The following ITPR2 variants were observed in gnomAD, a reference collection of about 807,000 sequenced individuals.
ITPR2 encodes inositol 1,4,5-trisphosphate receptor type 2.
Under a neutral mutation model 317.1 loss-of-function variants are expected in ITPR2, and 207 were observed. The observed-to-expected ratio is 0.65, with a 90% CI of 0.58 to 0.73. The LOEUF is 0.73. Among genes scored for constraint, ITPR2 ranks in the 30% least tolerant of loss-of-function variants. ITPR2 has a pLI of 0.00. For missense variants in ITPR2, 2,613 were observed against 3,284.0 expected (o/e 0.80, Z 4.99); for synonymous variants, 1,156 against 1,149.1 (o/e 1.01, Z -0.12).
At chr12:26,539,544 G>T (rs988575599) in intron 37 of ITPR2, among the ~76,000 whole-genome samples, 7 of 152,150 alleles carry the variant, frequency 4.6e-5, no homozygotes, top group African/African-American at 1.7e-4. Flanking sequence ...TGGGACAGAA[G>T]CCCCATGGCT....
At chr12:26,574,573 A>T (rs1433210275) in intron 34 of ITPR2, among the ~76,000 whole-genome samples, 1 of 152,184 alleles carries the variant, frequency 6.6e-6, no homozygotes, top group Non-Finnish European at 1.5e-5. Context: ...ACTTGTGATG[A>T]TGTAAGTTAG....
chr12:26,678,512 T>C (rs1004961232), intron 13 of ITPR2, among the ~76,000 whole-genome samples: 1 of 152,138 alleles, frequency 6.6e-6, no homozygotes, highest in Non-Finnish European at 1.5e-5. Flanking sequence ...GTCAGAGTTG[T>C]CAGTTATTTT....
intron 1 of ITPR2, among the ~76,000 whole-genome samples, chr12:26,811,788 A>AGCTTGCAGT (rs1382251046): frequency 6.9e-6 from 1 of 144,132 alleles, no homozygotes; most frequent in Non-Finnish European, 1.5e-5. Context: ...CCGGAGGCGG[A>AGCTTGCAGT]GCTTGCAGTG....
intron 54 of ITPR2, among the ~76,000 whole-genome samples, chr12:26,393,682 T>A (rs1432762769): frequency 6.6e-6 from 1 of 152,246 alleles, no homozygotes; most frequent in Non-Finnish European, 1.5e-5. Flanking sequence ...TACTTAAGTG[T>A]TTCCTCAGAT....
chr12:26,393,805 C>T (rs1939916604), intron 54 of ITPR2, among the ~76,000 whole-genome samples: 1 of 152,224 alleles, frequency 6.6e-6, no homozygotes, highest in South Asian at 2.1e-4. Flanking sequence ...AGAAACAATA[C>T]CCTGCATGTA....
At chr12:26,367,149 C>T (rs924724929) in intron 55 of ITPR2, among the ~76,000 whole-genome samples, 1 of 152,032 alleles carries the variant, frequency 6.6e-6, no homozygotes, top group African/African-American at 2.4e-5. Flanking sequence ...TCTGAAGGGC[C>T]TTTGAGAAAA....
chr12:26,711,441 G>T (rs1948640590), intron 8 of ITPR2, among the ~76,000 whole-genome samples, 173 bp from the exon 9 acceptor site: 2 of 152,188 alleles, frequency 1.3e-5, no homozygotes, highest in African/African-American at 4.8e-5. Context: ...ATGAGCAAGA[G>T]AAATGTTATA....
Position 26,751,328 on chromosome 12 carries a change from G to A in ITPR2, c.164-25563C>T, listed in dbSNP as rs867631158. Among the ~76,000 whole-genome samples the A allele has an allele frequency of 6.6e-5, 10 of 151,946 alleles. No individual in the cohort carries two copies. The Middle Eastern group carries it at 0.014, about 207-fold the overall frequency. ...ATAACAAACCTACACATGTACCCAC[G>A]AACCTAAAATAAATGTTAAAAAAAA... is the stretch of plus-strand genomic sequence containing the variant. On this transcript the variant is annotated intron_variant, in intron 2 of 56. Transcript: ENST00000381340.
At chr12:26,541,218 G>A (rs1365783103) in intron 37 of ITPR2, among the ~76,000 whole-genome samples, 1 of 151,810 alleles carries the variant, frequency 6.6e-6, no homozygotes, top group Non-Finnish European at 1.5e-5. Flanking sequence ...TCGGGAGGCT[G>A]AGACAGGAGA....
intron 45 of ITPR2, among the ~76,000 whole-genome samples, chr12:26,462,547 A>G (rs1465846910): frequency 1.3e-5 from 2 of 152,050 alleles, no homozygotes; most frequent in Non-Finnish European, 2.9e-5. Context: ...CTTTGATATT[A>G]TAGTACTGGA....
chr12:26,602,567 A>T (rs1292665820), intron 27 of ITPR2, 50 bp downstream of exon 27: 3 of 1,569,810 alleles, frequency 1.9e-6, no homozygotes, highest in African/African-American at 1.4e-5. Context: ...AGCAAAACTT[A>T]TTTGGCATGC....
chr12:26,359,602 G>GA (rs34699968), intron 55 of ITPR2, among the ~76,000 whole-genome samples: 14 of 151,392 alleles, frequency 9.2e-5, no homozygotes, highest in African/African-American at 2.2e-4. Flanking sequence ...CTCTTGTGGG[G>GA]AAAAAAAAAG....
intron 43 of ITPR2, among the ~76,000 whole-genome samples, chr12:26,479,809 T>C (rs1479619537): frequency 1.3e-5 from 2 of 152,164 alleles, no homozygotes; most frequent in Admixed American, 6.5e-5. Context: ...TGTGGTGGCA[T>C]GCACCTGTAA....
chr12:26,565,177 A>G (rs2137036479), intron 34 of ITPR2, among the ~76,000 whole-genome samples: 2 of 152,352 alleles, frequency 1.3e-5, no homozygotes, highest in East Asian at 3.9e-4. Context: ...CTCTAAAAAA[A>G]GAGCAAATAA....
At chr12:26,652,079 A>T (rs1947268724) in intron 21 of ITPR2, among the ~76,000 whole-genome samples, 1 of 152,176 alleles carries the variant, frequency 6.6e-6, no homozygotes, top group Non-Finnish European at 1.5e-5. Flanking sequence ...ACACCTAGAT[A>T]AACTTTCTCT....
At chr12:26,511,471 T>C (rs1050373843) in intron 37 of ITPR2, among the ~76,000 whole-genome samples, 5 of 152,220 alleles carry the variant, frequency 3.3e-5, no homozygotes, top group African/African-American at 1.2e-4. Context: ...GCCAAGAAGG[T>C]AGAGTGATTG....
At chr12:26,581,585 T>C (rs1368727249) in intron 32 of ITPR2, among the ~76,000 whole-genome samples, 2 of 152,172 alleles carry the variant, frequency 1.3e-5, no homozygotes, top group East Asian at 3.8e-4. Flanking sequence ...ATTTAGTAAA[T>C]TTTTAAATGA....
intron 2 of ITPR2, among the ~76,000 whole-genome samples, chr12:26,743,872 C>T (rs1193086221): frequency 6.6e-6 from 1 of 152,170 alleles, no homozygotes. Flanking sequence ...GCCTGGGCAA[C>T]AAGAGCAAAA....
At chr12:26,579,909 T>C (rs1326609171) in intron 33 of ITPR2, 118 bp downstream of exon 33, 3 of 710,722 alleles carry the variant, frequency 4.2e-6, no homozygotes, top group Non-Finnish European at 6.9e-6. Context: ...TAGTAAATAA[T>C]ATAAGAGAAG....
Sources: gnomAD v4.1 joint callset for allele counts (sites outside exome capture counted in the v4.1 genomes callset) on GRCh38, gnomAD v4.1.1 for gene constraint, MANE v1.5 for transcripts, NCBI Gene and HGNC (gene_info 2026-07-23, HGNC 2026-07-21) for gene names.